Variants in MPPED1 observed in about 807,000 individuals in gnomAD.
MPPED1 encodes the protein metallophosphoesterase domain-containing protein 1.
MPPED1 carries 16 observed loss-of-function variants against 36.2 expected under a neutral mutation model. The ratio of observed to expected loss-of-function variants is 0.44; its 90% CI spans 0.30 to 0.67. The LOEUF is 0.67. Among genes scored for constraint, MPPED1 ranks in the 30% least tolerant of loss-of-function variants. The pLI, the probability that MPPED1 is intolerant of heterozygous loss-of-function variation, is 0.10. For synonymous variants in MPPED1, 199 were observed against 191.3 expected (o/e 1.04, Z -0.33); for missense variants, 307 against 453.4 (o/e 0.68, Z 2.93).
chr22:43,440,665 C>T (rs980341093), intron 3 of MPPED1, among the ~76,000 whole-genome samples: 1 of 152,170 alleles, frequency 6.6e-6, no homozygotes. Context: ...GGCCTCCCCA[C>T]CCCCAGCCAC....
chr22:43,500,263 TGGTGATGGA>T (rs1405583960), intron 5 of MPPED1, among the ~76,000 whole-genome samples: 34 of 100,494 alleles, frequency 3.4e-4, no homozygotes, highest in Admixed American at 2.1e-3. Flanking sequence ...ATGGTGGTGA[TGGTGATGGA>T]GGTGGCGGTG....
chr22:43,495,626 ATGG>A (rs1451727710), intron 4 of MPPED1, among the ~76,000 whole-genome samples: 1 of 22,488 alleles, frequency 4.4e-5, no homozygotes, highest in Non-Finnish European at 1.2e-4. Flanking sequence ...AGTGGTGGAG[ATGG>A]TGGTGGTGGA....
chr22:43,413,154 C>T (rs574559139), intron 1 of MPPED1, among the ~76,000 whole-genome samples: 2 of 152,324 alleles, frequency 1.3e-5, no homozygotes, highest in Admixed American at 6.5e-5. Context: ...TGCCTTCCCC[C>T]TCCCCATTTC....
intron 4 of MPPED1, among the ~76,000 whole-genome samples, chr22:43,489,771 G>A (rs948385765): frequency 6.6e-6 from 1 of 152,092 alleles, no homozygotes; most frequent in African/African-American, 2.4e-5. Context: ...CACCCACCTC[G>A]GCCTTCCAAA....
At chr22:43,413,734 A>C (rs1261605499) in intron 1 of MPPED1, among the ~76,000 whole-genome samples, 1 of 152,154 alleles carries the variant, frequency 6.6e-6, no homozygotes, top group Non-Finnish European at 1.5e-5. Flanking sequence ...CTTTTTCTGG[A>C]GATGGATTTC....
intron 3 of MPPED1, among the ~76,000 whole-genome samples, chr22:43,470,978 C>T (rs2146880594): frequency 6.6e-6 from 1 of 152,320 alleles, no homozygotes; most frequent in South Asian, 2.1e-4. Flanking sequence ...TGGCTCCTGC[C>T]CTGCTCCCTT....
chr22:43,419,046 C>G (rs2146812239), intron 1 of MPPED1: 2 of 152,268 alleles, frequency 1.3e-5, no homozygotes, highest in Middle Eastern at 6.8e-3. Flanking sequence ...TAGGCCCTGG[C>G]AGGGGCTTTT....
intron 3 of MPPED1, among the ~76,000 whole-genome samples, chr22:43,446,940 A>C (rs1195584011): frequency 6.6e-6 from 1 of 152,238 alleles, no homozygotes; most frequent in East Asian, 1.9e-4. Flanking sequence ...CGATGGAGAC[A>C]GGACAGGGGG....
intron 4 of MPPED1, among the ~76,000 whole-genome samples, chr22:43,492,082 T>C (rs911191249): frequency 6.6e-6 from 1 of 151,968 alleles, no homozygotes; most frequent in African/African-American, 2.4e-5. Flanking sequence ...ATAGGGATAA[T>C]TGAGGTGATG....
intron 3 of MPPED1, among the ~76,000 whole-genome samples, chr22:43,438,079 C>T (rs1020925683): frequency 9.9e-5 from 15 of 152,186 alleles, no homozygotes; most frequent in Non-Finnish European, 1.3e-4. Context: ...GTGTCGCAAG[C>T]CCTGGGGTAA....
At chr22:43,439,489 T>G (rs1420027102) in intron 3 of MPPED1, among the ~76,000 whole-genome samples, 1 of 152,226 alleles carries the variant, frequency 6.6e-6, no homozygotes, top group Non-Finnish European at 1.5e-5. Context: ...GCAGTGCCAG[T>G]GCAGGGAGGT....
chr22:43,461,749 G>A (rs546243898), intron 3 of MPPED1, among the ~76,000 whole-genome samples: 3 of 152,194 alleles, frequency 2.0e-5, no homozygotes, highest in Non-Finnish European at 4.4e-5. Flanking sequence ...TGTCTAAGTG[G>A]TTGTGACTGA....
chr22:43,446,031 C>T (rs796616511), intron 3 of MPPED1, among the ~76,000 whole-genome samples: 6 of 149,522 alleles, frequency 4.0e-5, no homozygotes, highest in Non-Finnish European at 5.9e-5. Context: ...CCACGACACC[C>T]GGCTGATTTT....
intron 4 of MPPED1, among the ~76,000 whole-genome samples, chr22:43,495,522 A>T (rs1208878052): frequency 7.8e-3 from 111 of 14,172 alleles, no homozygotes; most frequent in Non-Finnish European, 0.01. Context: ...GTGGTGGTGG[A>T]GGTGGTGGTG....
chr22:43,452,844 G>A (rs1445488820), intron 3 of MPPED1, among the ~76,000 whole-genome samples: 3 of 151,810 alleles, frequency 2.0e-5, no homozygotes, highest in African/African-American at 4.8e-5. Flanking sequence ...TCCCAGGCTG[G>A]TCTGAAACTC....
chr22:43,465,010 G>T (rs1165957335), intron 3 of MPPED1, among the ~76,000 whole-genome samples: 1 of 152,162 alleles, frequency 6.6e-6, no homozygotes, highest in Admixed American at 6.5e-5. Flanking sequence ...ACCCCACCCC[G>T]GTACCACATA....
intron 3 of MPPED1, among the ~76,000 whole-genome samples, chr22:43,450,901 A>T (rs1930542214): frequency 6.6e-6 from 1 of 151,544 alleles, no homozygotes; most frequent in Non-Finnish European, 1.5e-5. Flanking sequence ...TAATTTTATA[A>T]TTTTAGTAGA....
chr22:43,499,372 A>G (rs371363236), intron 5 of MPPED1, among the ~76,000 whole-genome samples: 29 of 51,648 alleles, frequency 5.6e-4, no homozygotes, highest in African/African-American at 1.1e-3. Context: ...GGTGGTGGTG[A>G]TGGTGATGGG....
At chr22:43,449,273 T>A (rs1001119929) in intron 3 of MPPED1, among the ~76,000 whole-genome samples, 39 of 152,306 alleles carry the variant, frequency 2.6e-4, no homozygotes, top group Non-Finnish European at 5.0e-4. Context: ...ACAGATATCC[T>A]GGGCCCTGAG....
Sources: allele counts gnomAD v4.1 joint callset (sites outside exome capture counted in the v4.1 genomes callset), GRCh38; gene constraint gnomAD v4.1.1; transcripts MANE v1.5; gene names NCBI Gene and HGNC (gene_info 2026-07-23, HGNC 2026-07-21).